Variants in FRMPD4 observed in about 807,000 individuals in gnomAD.
The protein encoded by FRMPD4 is FERM and PDZ domain containing 4.
In FRMPD4, 22 loss-of-function variants were observed where a neutral mutation model predicts 94.1. The ratio of observed to expected loss-of-function variants is 0.23; its 90% confidence interval spans 0.17 to 0.33. The LOEUF (loss-of-function observed/expected upper bound fraction) is 0.33, where lower values mean the gene tolerates loss of function less well. Among genes scored for constraint, FRMPD4 ranks in the 10% least tolerant of loss-of-function variants. The pLI, the probability that FRMPD4 is intolerant of heterozygous loss-of-function variation, is 1.00. For synonymous variants in FRMPD4, 631 were observed against 548.6 expected (o/e 1.15, Z -2.10); for missense variants, 1,111 against 1,339.9 (o/e 0.83, Z 2.67).
intron 1 of FRMPD4, among the ~76,000 whole-genome samples, chrX:12,304,591 A>G (rs1569225112): frequency 1.8e-5 from 2 of 111,387 alleles, no homozygotes; most frequent in African/African-American, 3.3e-5. Context: ...GTAAGAAAAT[A>G]AGCCAGGGAC....
At chrX:12,220,995 G>A (rs747496078) in intron 1 of FRMPD4, among the ~76,000 whole-genome samples, 1 of 111,892 alleles carries the variant, frequency 8.9e-6, no homozygotes, top group Non-Finnish European at 1.9e-5. Flanking sequence ...ATGGGAATAA[G>A]CATTAATTCC....
At chrX:12,630,171 G>A (rs1246152859) in intron 4 of FRMPD4, among the ~76,000 whole-genome samples, 1 of 111,998 alleles carries the variant, frequency 8.9e-6, no homozygotes, top group African/African-American at 3.3e-5. Flanking sequence ...CATGTGCCCT[G>A]CTTGGGTCGA....
chrX:12,590,032 C>T (rs1458261307), intron 2 of FRMPD4, among the ~76,000 whole-genome samples: 1 of 94,543 alleles, frequency 1.1e-5, no homozygotes, highest in Non-Finnish European at 2.2e-5. Context: ...AGTGTGTAGA[C>T]GAGGCTTTAT....
In FRMPD4 at chrX:12,721,464, C is replaced by G. The variant is rs2042238505; in HGVS notation, c.4895C>G (p.Pro1632Arg). ...AAGGAGAAGAGGGAGGAGTCACGCCCTGAAGCGTACGACCTTACACTTTCT... is the reference window on the plus strand; with the variant it reads ...AAGGAGAAGAGGGAGGAGTCACGCCGTGAAGCGTACGACCTTACACTTTCT... ...ATKEKREESR[P>R]EAYDLTLSQY... The change falls in exon 17 of 17, where the codon CCT (proline) becomes CGT (arginine). Residue 1632 changes from proline (P) to arginine (R), a missense_variant. Around this residue, in one of 8 missense-constraint regions of FRMPD4, gnomAD observed 551 missense variants for 591.6 expected, o/e 0.93. Coordinates refer to ENST00000675598, the MANE Select transcript of FRMPD4 (RefSeq NM_001368397.1). 2 of 753,194 alleles carry G rather than the reference C, an allele frequency of 2.7e-6. No homozygotes were observed. The highest frequency in any genetic ancestry group is 3.1e-6 in the Non-Finnish European group (2 of 638,447). 62.1% of individuals were successfully genotyped at this position (753,194 alleles called of 1,213,427 possible).
intron 3 of FRMPD4, among the ~76,000 whole-genome samples, chrX:12,613,779 C>T (rs913359533): frequency 1.8e-5 from 2 of 111,979 alleles, no homozygotes; most frequent in African/African-American, 6.5e-5. Flanking sequence ...AGATCGAAAC[C>T]ATCCTGGCTA....
chrX:12,277,061 C>T (rs1490535438), intron 1 of FRMPD4, among the ~76,000 whole-genome samples: 4 of 96,999 alleles, frequency 4.1e-5, no homozygotes, highest in East Asian at 3.2e-4. Context: ...GCGGAGCTTG[C>T]AGTGAGCCGA....
intron 1 of FRMPD4, among the ~76,000 whole-genome samples, chrX:12,337,336 T>C (rs1438355012): frequency 8.9e-6 from 1 of 112,074 alleles, no homozygotes; most frequent in African/African-American, 3.2e-5. Context: ...TTGGGCTATA[T>C]AGAACGTTAA....
rs1239434129 is a variant in FRMPD4, at chrX:12,193,813, AGGAAGGAAGGAAGGAG to A, written c.41+54811_41+54826del. Among the ~76,000 whole-genome samples the A allele has an allele frequency of 9.3e-4, 29 of 31,112 alleles. 7 individuals carry two copies. The highest frequency in any genetic ancestry group is 5.6e-3 in the African/African-American group (29 of 5,216). The allele number at this position is 31,112 out of a possible 115,157, so 27.0% of individuals were successfully genotyped here. A position where few individuals can be genotyped will look rare whatever the true frequency, so the allele number is the denominator to read the frequency against. ...AAGGAAGGAAGGAAGGAAGGAAGGA[AGGAAGGAAGGAAGGAG>A]GGAAGGAAGAAAGAAAAGAAAGAAA... is the stretch of plus-strand genomic sequence containing the variant. On this transcript the variant is annotated intron_variant, in intron 1 of 16. Transcript: ENST00000675598.
rs150662498 is a variant in FRMPD4 at position 11,896,441 on chromosome X, G to C, written c.95+18423G>C. Among the ~76,000 whole-genome samples the C allele has an allele frequency of 4.4e-3, 489 of 110,992 alleles. 3 individuals carry two copies. Among genetic ancestry groups the C allele is most frequent in the Middle Eastern group, 0.023 (5 of 218 alleles). ...TCATGAGGGTAGTGCTTTTGTGAAT[G>C]GGATTCGTGCCCTTATCAAAGAGAT... is the stretch of plus-strand genomic sequence containing the variant. On this transcript the variant is annotated intron_variant, in intron 3 of 18. Coordinates refer to the FRMPD4 transcript ENST00000640291.
At position 12,724,217 on chromosome X, in the gene FRMPD4, T is replaced by C. The variant is rs141887737; in HGVS notation, c.*2359T>C. On this transcript the variant is annotated 3_prime_UTR_variant, in exon 17 of 17. Coordinates refer to ENST00000675598, the MANE Select transcript of FRMPD4 (RefSeq NM_001368397.1). ...AACTTCCCAGTCCATTGGAGTTCTT[T>C]GAGAAGCCTCAGGGAAGTAGCTCTG... The C allele has an allele frequency of 8.1e-5, 9 of 111,737 alleles. No individual in the cohort carries two copies. In the East Asian group the frequency reaches 2.0e-3, roughly 24 times the overall value. The allele number at this position is 111,737 out of a possible 1,213,427, so 9.2% of individuals were successfully genotyped here.
intron 4 of FRMPD4, among the ~76,000 whole-genome samples, chrX:12,655,496 A>G (rs997105857): frequency 1.8e-5 from 2 of 112,177 alleles, no homozygotes; most frequent in Admixed American, 9.5e-5. Context: ...GCATTGTCCA[A>G]CATATCATGC....
intron 1 of FRMPD4, among the ~76,000 whole-genome samples, chrX:12,220,136 T>C (rs147497465): frequency 1.4e-3 from 144 of 101,449 alleles, no homozygotes; most frequent in African/African-American, 5.0e-3. Context: ...AGTGAAACTT[T>C]GTCTCAACAA....
intron 14 of FRMPD4, 50 bp from the exon 15 acceptor site, chrX:12,716,019 C>CCAA: frequency 6.7e-6 from 3 of 449,294 alleles, no homozygotes; most frequent in South Asian, 8.9e-5. Flanking sequence ...CCGCCCCACC[C>CCAA]AAAACCAGAC....
chrX:12,106,915 G>A (rs2055304105), intron 3 of FRMPD4, among the ~76,000 whole-genome samples: 1 of 111,993 alleles, frequency 8.9e-6, no homozygotes, highest in South Asian at 3.7e-4. Flanking sequence ...CTCGAAGTGG[G>A]TGGACCCCAC....
At chrX:12,288,576 A>G (rs1353385530) in intron 1 of FRMPD4, among the ~76,000 whole-genome samples, 1 of 111,349 alleles carries the variant, frequency 9.0e-6, no homozygotes, top group Non-Finnish European at 1.9e-5. Flanking sequence ...CTCCTGAAAA[A>G]GACTATACTT....
rs148873140 is a variant in FRMPD4 at position 12,654,672 on chromosome X, G to A, written c.423-20191G>A. ...CAAATTATTCAGCATCCCTGAGTTC[G>A]GCATCCTCTAGGTAAAATGAGGCTA... On this transcript the variant is annotated intron_variant, in intron 4 of 16. Transcript: ENST00000675598. Among the ~76,000 whole-genome samples the A allele has an allele frequency of 6.5e-3, 722 of 111,228 alleles. 5 individuals carry two copies. The highest frequency in any genetic ancestry group is 0.037 in the Middle Eastern group (8 of 216).
At chrX:12,356,134 C>T (rs777532142) in intron 1 of FRMPD4, among the ~76,000 whole-genome samples, 23 of 111,317 alleles carry the variant, frequency 2.1e-4, no homozygotes, top group Non-Finnish European at 3.2e-4. Flanking sequence ...TCCTCACATT[C>T]GGAAAACGAA....
intron 3 of FRMPD4, among the ~76,000 whole-genome samples, chrX:12,057,377 A>G (rs1299506833): frequency 8.9e-6 from 1 of 112,205 alleles, no homozygotes; most frequent in Non-Finnish European, 1.9e-5. Context: ...TATGTTATAT[A>G]TTAATGATAT....
chrX:11,996,415 G>A (rs2054496546), intron 3 of FRMPD4, among the ~76,000 whole-genome samples: 2 of 112,171 alleles, frequency 1.8e-5, no homozygotes, highest in Non-Finnish European at 3.8e-5. Flanking sequence ...TCCCAGAGTG[G>A]TGACAATTAG....
Sources: gnomAD v4.1 joint callset for allele counts (sites outside exome capture counted in the v4.1 genomes callset) on GRCh38, gnomAD v4.1.1 for gene constraint, gnomAD v4.1.1 regional missense constraint, MANE v1.5 for transcripts, NCBI Gene and HGNC (gene_info 2026-07-23, HGNC 2026-07-21) for gene names.